Variants in ZNF385C observed in about 807,000 individuals in gnomAD.
ZNF385C encodes the protein zinc finger protein 385C, also known as CTD-2132N18.2.
In ZNF385C, 28 loss-of-function variants were observed where a neutral mutation model predicts 35.4. The ratio of observed to expected loss-of-function variants is 0.79; its 90% CI spans 0.59 to 1.08. The LOEUF (loss-of-function observed/expected upper bound fraction) is 1.08. Among genes scored for constraint, ZNF385C ranks in the 50% least tolerant of loss-of-function variants. The pLI is 0.00. For synonymous variants in ZNF385C, 248 were observed against 248.2 expected, an observed-to-expected ratio of 1.00 and a Z score of 0.01; for missense variants, 605 against 595.6, an observed-to-expected ratio of 1.02 and a Z score of -0.16.
At chr17:42,084,145 A>C (rs1225675884) in intron 1 of ZNF385C, among the ~76,000 whole-genome samples, 2 of 151,788 alleles carry the variant, frequency 1.3e-5, no homozygotes, top group Non-Finnish European at 2.9e-5. Flanking sequence ...GGAGTCCCAG[A>C]CTAGTCTGTG....
At chr17:42,051,528 T>G (rs2053281387) in intron 2 of ZNF385C, among the ~76,000 whole-genome samples, 1 of 151,654 alleles carries the variant, frequency 6.6e-6, no homozygotes, top group Non-Finnish European at 1.5e-5. Flanking sequence ...ATCTGTAAAG[T>G]GGGAATTACA....
chr17:42,051,404 G>A (rs1382034362), intron 2 of ZNF385C, among the ~76,000 whole-genome samples: 1 of 152,142 alleles, frequency 6.6e-6, no homozygotes, highest in Non-Finnish European at 1.5e-5. Flanking sequence ...GAGCTTCCCT[G>A]CAAGAGGAAT....
intron 3 of ZNF385C, 121 bp downstream of exon 3, chr17:42,037,616 G>A (rs1274431977): frequency 8.0e-7 from 1 of 1,242,358 alleles, no homozygotes; most frequent in African/African-American, 1.6e-5. Context: ...CCCCTCTGGG[G>A]GATGTTGGAG....
At chr17:42,082,329 C>A (rs551706300) in intron 1 of ZNF385C, among the ~76,000 whole-genome samples, 3 of 152,366 alleles carry the variant, frequency 2.0e-5, no homozygotes, top group South Asian at 4.1e-4. Flanking sequence ...TGAGCCACCA[C>A]GCCCGACCTC....
chr17:42,097,357 C>T (rs1260894559), intron 1 of ZNF385C, among the ~76,000 whole-genome samples: 3 of 152,036 alleles, frequency 2.0e-5, no homozygotes, highest in East Asian at 1.9e-4. Context: ...GGATGAAGGT[C>T]GGATATGAGA....
chr17:42,085,723 C>T (rs569714949), intron 1 of ZNF385C, among the ~76,000 whole-genome samples: 28 of 152,000 alleles, frequency 1.8e-4, no homozygotes, highest in Admixed American at 5.9e-4. Flanking sequence ...TTAGACTCCC[C>T]AGTAGCTGGG....
chr17:42,062,873 A>G lies in ZNF385C; in HGVS notation c.184T>C (p.Cys62Arg). Reference protein sequence around the residue: ...LNSAAQAQVHCGGRAHQRRLR... With the variant: ...LNSAAQAQVHRGGRAHQRRLR... ...CGCCTCTGGTGGGCCCGCCCCCCAC[A>G]GTGCACCTGGGCCTGGGCCGCCGAG... The change falls in exon 2 of 9, where the codon TGT (cysteine) becomes CGT (arginine). Residue 62 changes from cysteine (C) to arginine (R), a missense_variant. Physicochemically the swap from Cys to Arg is radical, Grantham distance 180. Coordinates refer to ENST00000692273, the MANE Select transcript of ZNF385C (RefSeq NM_001392013.1). The G allele has an allele frequency of 1.5e-6, 1 of 662,778 alleles. No homozygotes were observed. Among genetic ancestry groups the G allele is most frequent in the South Asian group, 1.6e-5 (1 of 61,344 alleles). 41.1% of individuals were successfully genotyped at this position (662,778 alleles called of 1,614,324 possible).
chr17:42,058,848 G>T (rs1279542064), intron 2 of ZNF385C, among the ~76,000 whole-genome samples: 1 of 152,134 alleles, frequency 6.6e-6, no homozygotes, highest in Non-Finnish European at 1.5e-5. Context: ...GTAGAGATGG[G>T]GTTTCACCAT....
At position 42,090,691 on chromosome 17, in the gene ZNF385C, G is replaced by A. The variant is rs1293456042; in HGVS notation, c.-3+7719C>T. Among the ~76,000 whole-genome samples, 4 of 151,772 alleles carry A rather than the reference G, an allele frequency of 2.6e-5. No individual in the cohort carries two copies. In the East Asian group the frequency reaches 7.9e-4, roughly 30 times the overall value. On this transcript the variant is annotated intron_variant, in intron 1 of 8. Transcript: ENST00000692273. ...GGGCGGATCACGAGGTCAGGAGATC[G>A]AGACCATGGTGAAACCCCATCTCTA...
In ZNF385C at chr17:42,028,192, C is replaced by A. The variant is rs782240397; in HGVS notation, c.1022G>T (p.Arg341Leu). The A allele has an allele frequency of 2.5e-6, 4 of 1,586,286 alleles. No individual in the cohort carries two copies. The East Asian group carries it at 9.0e-5, about 36-fold the overall frequency. The stretch of plus-strand genomic sequence containing the variant: ...ACCTCCCCTGGACACCGGGCGGCCC[C>A]GGCTCCTCCGGGGAGCCCCTCGCTG... Reference protein sequence around the residue: ...EGQRGAPRRSRGRPVSRGGAG... With the variant: ...EGQRGAPRRSLGRPVSRGGAG... The change falls in exon 7 of 9, where the codon CGG becomes CTG. Residue 341 changes from arginine (R) to leucine (L), a missense_variant. By Grantham distance (102) the Arg-to-Leu change is moderately radical. Coordinates refer to ENST00000692273, the MANE Select transcript of ZNF385C (RefSeq NM_001392013.1).
chr17:42,063,598 C>T (rs183747730), intron 1 of ZNF385C, among the ~76,000 whole-genome samples: 62 of 152,098 alleles, frequency 4.1e-4, no homozygotes, highest in Non-Finnish European at 7.2e-4. Context: ...GAAGGGTGTC[C>T]GACATGTCTA....
intron 2 of ZNF385C, among the ~76,000 whole-genome samples, chr17:42,059,767 A>G (rs2053434386): frequency 6.6e-6 from 1 of 152,150 alleles, no homozygotes; most frequent in South Asian, 2.1e-4. Context: ...GATTACAGGC[A>G]TGTGCTACCA....
rs1555657006 is a variant in ZNF385C at position 42,050,446 on chromosome 17, G to C, written c.250+12361C>G. Reference sequence around the variant, plus strand: ...CCTCTGGGGGGCGCGCGGTGACAGAGCCCTCGGTGGGTCCCGCAGAGGCAC... The same window carrying C: ...CCTCTGGGGGGCGCGCGGTGACAGACCCCTCGGTGGGTCCCGCAGAGGCAC... On this transcript the variant is annotated intron_variant, in intron 2 of 8. Coordinates refer to ENST00000692273, the MANE Select transcript of ZNF385C (RefSeq NM_001392013.1). The surrounding 1 kb of genome is among the most constrained non-coding windows in gnomAD (Gnocchi z 5.6). The C allele has an allele frequency of 6.6e-6, 1 of 152,120 alleles. No individual in the cohort carries two copies. Among genetic ancestry groups the C allele is most frequent in the African/African-American group, 2.4e-5 (1 of 41,428 alleles). 9.4% of individuals were successfully genotyped at this position (152,120 alleles called of 1,614,324 possible).
intron 2 of ZNF385C, among the ~76,000 whole-genome samples, chr17:42,054,675 G>A (rs962889779): frequency 2.0e-5 from 3 of 150,704 alleles, no homozygotes; most frequent in Admixed American, 6.6e-5. Flanking sequence ...TCTGCCTCCC[G>A]GGTTCAAGCA....
rs901037302 is a variant in ZNF385C at position 42,031,891 on chromosome 17, G to T, written c.511-107C>A. The T allele has an allele frequency of 2.0e-5, 26 of 1,286,324 alleles. No homozygotes were observed. The Admixed American group carries it at 3.2e-4, about 16-fold the overall frequency. 79.7% of individuals were successfully genotyped at this position (1,286,324 alleles called of 1,614,324 possible). On this transcript the variant is annotated intron_variant, in intron 4 of 8. Transcript: ENST00000692273. ...CAGGTCAAAGGGAGGCAGGGCTCAG[G>T]TCACACAAAGGGCAAGTCCTTGTCC... is the stretch of plus-strand genomic sequence containing the variant.
rs1479595290 is a variant in ZNF385C at position 42,050,674 on chromosome 17, GCCGGCCAGGGTC to G, written c.250+12121_250+12132del. The G allele has an allele frequency of 6.6e-6, 1 of 151,466 alleles. No homozygotes were observed. Among genetic ancestry groups the G allele is most frequent in the African/African-American group, 2.4e-5 (1 of 41,344 alleles). 9.4% of individuals were successfully genotyped at this position (151,466 alleles called of 1,614,324 possible). ...GGGCGAAGAGGCGCCAGCAGCCAGCGCCGGCCAGGGTCCCGGGCAGGGCGGGCGGCGCCCCCG... is the reference window on the plus strand; with the variant it reads ...GGGCGAAGAGGCGCCAGCAGCCAGCGCCGGGCAGGGCGGGCGGCGCCCCCG... On this transcript the variant is annotated intron_variant, in intron 2 of 8. Coordinates refer to ENST00000692273, the MANE Select transcript of ZNF385C (RefSeq NM_001392013.1). This position sits in a 1 kb window ranked among gnomAD's most constrained non-coding sequence, Gnocchi z 5.6.
intron 1 of ZNF385C, among the ~76,000 whole-genome samples, chr17:42,086,152 G>A (rs978695837): frequency 7.9e-5 from 12 of 152,084 alleles, no homozygotes; most frequent in Middle Eastern, 3.2e-3. Flanking sequence ...AGCACTTGGG[G>A]AGGCCAAGGT....
In ZNF385C at chr17:42,095,953, A is replaced by G. The variant is rs2143965848; in HGVS notation, c.-3+2457T>C. ...AAATCAAGCCAGCAAACTGTGAAATATGTTCTAACCTCTCACCCTGACAAA... is the reference window on the plus strand; with the variant it reads ...AAATCAAGCCAGCAAACTGTGAAATGTGTTCTAACCTCTCACCCTGACAAA... On this transcript the variant is annotated intron_variant, in intron 1 of 8. Transcript: ENST00000692273. This position sits in a 1 kb window ranked among gnomAD's most constrained non-coding sequence, Gnocchi z 4.4. Among the ~76,000 whole-genome samples the G allele has an allele frequency of 6.6e-6, 1 of 152,344 alleles. No homozygotes were observed. Among genetic ancestry groups the G allele is most frequent in the South Asian group, 2.1e-4 (1 of 4,826 alleles).
intron 1 of ZNF385C, among the ~76,000 whole-genome samples, chr17:42,077,200 TCTGA>T (rs2053695492): frequency 6.6e-6 from 1 of 152,216 alleles, no homozygotes; most frequent in Admixed American, 6.5e-5. Context: ...GGCACCTTGC[TCTGA>T]CTGTGTGAGT....
Sources: gnomAD v4.1 joint callset for allele counts (sites outside exome capture counted in the v4.1 genomes callset) on GRCh38, gnomAD v4.1.1 for gene constraint, Gnocchi (gnomAD v3.1) non-coding constraint, MANE v1.5 for transcripts, NCBI Gene and HGNC (gene_info 2026-07-23, HGNC 2026-07-21) for gene names.